PRKD1: variants seen among roughly 807,000 people sequenced by gnomAD.
The protein encoded by PRKD1 is protein kinase D1.
A neutral mutation model predicts 95.9 loss-of-function variants in PRKD1; 63 were observed. The ratio of observed to expected loss-of-function variants is 0.66; its 90% confidence interval spans 0.54 to 0.81. PRKD1 has a LOEUF of 0.81. PRKD1 is among the 30% of genes least tolerant of loss of function. PRKD1 has a pLI of 0.00. For synonymous variants in PRKD1, 425 were observed against 423.1 expected (o/e 1.00, Z -0.05); for missense variants, 1,048 against 1,165.3 (o/e 0.90, Z 1.47).
intron 1 of PRKD1, among the ~76,000 whole-genome samples, chr14:29,866,600 G>A (rs1266231467): frequency 6.6e-6 from 1 of 152,190 alleles, no homozygotes; most frequent in Non-Finnish European, 1.5e-5. Context: ...AACTCTGCAT[G>A]TTTAGGGGAG....
chr14:29,870,585 T>C (rs916723195), intron 1 of PRKD1, among the ~76,000 whole-genome samples: 1 of 152,220 alleles, frequency 6.6e-6, no homozygotes, highest in Non-Finnish European at 1.5e-5. Context: ...AAACTGCAAC[T>C]GAACTACACC....
chr14:29,618,955 T>A (rs1470764978), intron 13 of PRKD1, among the ~76,000 whole-genome samples: 1 of 152,154 alleles, frequency 6.6e-6, no homozygotes, highest in African/African-American at 2.4e-5. Flanking sequence ...TCAACCCACA[T>A]GGTCCCCTCT....
chr14:29,613,909 T>C (rs919067724), intron 13 of PRKD1, among the ~76,000 whole-genome samples: 1 of 152,190 alleles, frequency 6.6e-6, no homozygotes, highest in Non-Finnish European at 1.5e-5. Flanking sequence ...AGAAAATCTA[T>C]TTTGTTTACA....
intron 2 of PRKD1, among the ~76,000 whole-genome samples, chr14:29,687,670 C>G (rs147305191): frequency 9.8e-5 from 15 of 152,316 alleles, no homozygotes; most frequent in African/African-American, 3.6e-4. Flanking sequence ...TACCAGCATT[C>G]TCTTTGTTAA....
At chr14:29,788,326 T>C (rs1036648850) in intron 1 of PRKD1, among the ~76,000 whole-genome samples, 1 of 152,186 alleles carries the variant, frequency 6.6e-6, no homozygotes, top group Non-Finnish European at 1.5e-5. Context: ...TTGACACTTT[T>C]CTATTGCTGT....
At chr14:29,719,007 A>G in intron 2 of PRKD1, among the ~76,000 whole-genome samples, 1 of 149,494 alleles carries the variant, frequency 6.7e-6, no homozygotes, top group South Asian at 2.1e-4. Context: ...TTAATATAAT[A>G]TTATATCTAA....
intron 4 of PRKD1, among the ~76,000 whole-genome samples, 200 bp from the exon 5 acceptor site, chr14:29,639,104 T>TA (rs58081767): frequency 0.029 from 4,342 of 148,760 alleles, 172 homozygotes; most frequent in African/African-American, 0.09. Context: ...TGTATAATCT[T>TA]AAAAAAAAAA....
At chr14:29,700,537 G>C (rs1364250774) in intron 2 of PRKD1, among the ~76,000 whole-genome samples, 1 of 152,126 alleles carries the variant, frequency 6.6e-6, no homozygotes, top group Non-Finnish European at 1.5e-5. Flanking sequence ...TACCTCTGGA[G>C]GACTAATTAA....
At chr14:29,806,853 G>A (rs989363698) in intron 1 of PRKD1, among the ~76,000 whole-genome samples, 1 of 152,040 alleles carries the variant, frequency 6.6e-6, no homozygotes, top group Non-Finnish European at 1.5e-5. Flanking sequence ...AACATGCCAG[G>A]AATACATTGA....
At chr14:29,630,531 A>G (rs751369086) in intron 10 of PRKD1, 222 of 594,940 alleles carry the variant, frequency 3.7e-4, no homozygotes, top group Non-Finnish European at 5.8e-4. Context: ...TTAATATAAA[A>G]TAGCTATAAT....
intron 2 of PRKD1, among the ~76,000 whole-genome samples, chr14:29,676,183 G>GT (rs34953735): frequency 0.025 from 1,700 of 67,430 alleles, 32 homozygotes; most frequent in East Asian, 0.074. Flanking sequence ...TTACGTTTTT[G>GT]TTTTTTTTTT....
At chr14:29,844,064 T>C (rs1384927873) in intron 1 of PRKD1, among the ~76,000 whole-genome samples, 1 of 152,186 alleles carries the variant, frequency 6.6e-6, no homozygotes, top group Non-Finnish European at 1.5e-5. Flanking sequence ...CACAGAGCTA[T>C]TGTGTGGAGG....
intron 1 of PRKD1, among the ~76,000 whole-genome samples, chr14:29,839,016 T>C (rs1891722831): frequency 6.6e-6 from 1 of 152,046 alleles, no homozygotes; most frequent in South Asian, 2.1e-4. Context: ...AGTTTACAAA[T>C]GAATAATCCT....
intron 1 of PRKD1, among the ~76,000 whole-genome samples, chr14:29,846,218 G>A (rs1892071903): frequency 6.6e-6 from 1 of 152,114 alleles, no homozygotes; most frequent in African/African-American, 2.4e-5. Flanking sequence ...CTGATTTATG[G>A]AGCTTACATT....
chr14:29,691,318 C>T (rs1884219384), intron 2 of PRKD1, among the ~76,000 whole-genome samples: 1 of 152,114 alleles, frequency 6.6e-6, no homozygotes, highest in East Asian at 1.9e-4. Context: ...AATGAAATCA[C>T]CTGAGGGACT....
At chr14:29,908,139 G>T (rs1373012611) in intron 1 of PRKD1, among the ~76,000 whole-genome samples, 1 of 82,824 alleles carries the variant, frequency 1.2e-5, no homozygotes, top group African/African-American at 5.1e-5. Context: ...TAAAGACAAA[G>T]CAAAAAAAAA....
intron 2 of PRKD1, among the ~76,000 whole-genome samples, chr14:29,705,493 C>T (rs948080088): frequency 2.0e-5 from 3 of 151,730 alleles, no homozygotes; most frequent in African/African-American, 7.3e-5. Context: ...AATTCACATC[C>T]TATACAATTA....
chr14:29,656,360 C>T, intron 4 of PRKD1: 9 of 1,156,716 alleles, frequency 7.8e-6, no homozygotes, highest in Non-Finnish European at 9.9e-6. Flanking sequence ...GAGCTAAACT[C>T]TGACCTGATT....
chr14:29,696,238 TAA>T (rs1884510127), intron 2 of PRKD1, among the ~76,000 whole-genome samples: 1 of 107,226 alleles, frequency 9.3e-6, no homozygotes, highest in South Asian at 3.1e-4. Flanking sequence ...AATTATCTAG[TAA>T]TAGAGTCAGG....
Sources: allele counts gnomAD v4.1 joint callset (sites outside exome capture counted in the v4.1 genomes callset), GRCh38; gene constraint gnomAD v4.1.1; transcripts MANE v1.5; gene names NCBI Gene and HGNC (gene_info 2026-07-23, HGNC 2026-07-21).